The following CLSPN variants were observed in gnomAD, a reference collection of about 807,000 sequenced individuals.
The protein encoded by CLSPN is claspin.
In CLSPN, 85 loss-of-function variants were observed where a neutral mutation model predicts 156.3. The ratio of observed to expected loss-of-function variants is 0.54; its 90% confidence interval spans 0.46 to 0.65. The LOEUF (loss-of-function observed/expected upper bound fraction) is 0.65, where lower values mean the gene tolerates loss of function less well. Ranked by LOEUF, CLSPN falls within the 30% of genes least tolerant of loss-of-function variation. The pLI is 0.00. For missense variants in CLSPN, 1,407 were observed against 1,554.9 expected (o/e 0.90, Z 1.60); for synonymous variants, 534 against 542.4 (o/e 0.98, Z 0.22).
intron 24 of CLSPN, among the ~76,000 whole-genome samples, chr1:35,725,950 G>A (rs563432215): frequency 1.3e-5 from 2 of 151,976 alleles, no homozygotes; most frequent in South Asian, 4.2e-4. Context: ...AGTTCAGAGT[G>A]CCCCCTCCCA....
chr1:35,746,964 G>T lies in CLSPN; in HGVS notation c.2656C>A (p.Gln886Lys), dbSNP rs770176855. 10 of 1,614,010 alleles carry T rather than the reference G, an allele frequency of 6.2e-6. No homozygotes were observed. The South Asian group carries it at 1.1e-4, about 18-fold the overall frequency. ...GFLNVRNHRN[Q>K]YQALKPRLPL... Reference sequence around the variant, plus strand: ...AATCGAGGCTTCAAAGCTTGGTACTGATTCCTGTGGTTTCTAACATTTAAG... The same window carrying T: ...AATCGAGGCTTCAAAGCTTGGTACTTATTCCTGTGGTTTCTAACATTTAAG... The change falls in exon 15 of 25, where the codon CAG (glutamine) becomes AAG (lysine). Residue 886 changes from glutamine to lysine, a missense_variant. By Grantham distance (53) the Gln-to-Lys change is moderately conservative (BLOSUM62 1). Around this residue, in one of 3 missense-constraint regions of CLSPN, gnomAD observed 1,096 missense variants for 1,193.0 expected, o/e 0.92. Transcript: ENST00000318121. This position sits in a 1 kb window ranked among gnomAD's most constrained non-coding sequence, Gnocchi z 4.2.
At position 35,739,231 on chromosome 1, in the gene CLSPN, C is replaced by T. The variant is rs143551686; in HGVS notation, c.3335G>A (p.Arg1112Gln). Residue 1112 changes from arginine to glutamine, a missense_variant, in exon 20 of 25, where the codon CGA becomes CAA. Physicochemically the swap from Arg to Gln is conservative, Grantham distance 43. Around this residue, in one of 3 missense-constraint regions of CLSPN, gnomAD observed 70 missense variants for 121.5 expected, o/e 0.58. Transcript: ENST00000318121. ...HMKTMLDDDKRQLRLYQERYL... is the reference protein window; with the variant it reads ...HMKTMLDDDKQQLRLYQERYL... The stretch of plus-strand genomic sequence containing the variant: ...CCTCTCTTGGTATAAACGTAGCTGT[C>T]GCTTATCATCATCCAACATAGTTTT... The T allele has an allele frequency of 5.6e-6, 9 of 1,614,046 alleles. No individual in the cohort carries two copies. Among genetic ancestry groups the T allele is most frequent in the South Asian group, 1.1e-5 (1 of 91,088 alleles).
At chr1:35,742,810 G>A (rs1044725558) in intron 18 of CLSPN, among the ~76,000 whole-genome samples, 8 of 147,342 alleles carry the variant, frequency 5.4e-5, no homozygotes, top group African/African-American at 7.5e-5. Flanking sequence ...GCAGTGGTGC[G>A]ATCTCGGCTC....
chr1:35,734,681 AAAAAAAAAAGAAAAGAAAAGAAAAG>A lies in CLSPN; in HGVS notation c.*1790_*1814del. The A allele has an allele frequency of 3.3e-6, 3 of 906,784 alleles. No homozygotes were observed. In the South Asian group the frequency reaches 1.5e-4, roughly 46 times the overall value. The allele number at this position is 906,784 out of a possible 1,614,324, so 56.2% of individuals were successfully genotyped here. A position where few individuals can be genotyped will look rare whatever the true frequency, so the allele number is the denominator to read the frequency against. Reference sequence around the variant, plus strand: ...TGACAGAGCCAGCCTATGTCTCAAAAAAAAAAAAAGAAAAGAAAAGAAAAGAAAAAGAAAAAGAAAAGAAAAGAAA... The same window carrying A: ...TGACAGAGCCAGCCTATGTCTCAAAAAAAAAGAAAAAGAAAAGAAAAGAAA... On this transcript the variant is annotated 3_prime_UTR_variant, in exon 25 of 25. Transcript: ENST00000318121.
At chr1:35,725,927 C>T (rs1340746383) in intron 24 of CLSPN, among the ~76,000 whole-genome samples, 1 of 152,156 alleles carries the variant, frequency 6.6e-6, no homozygotes, top group African/African-American at 2.4e-5. Context: ...CTGATTCCCA[C>T]GGCAATCATT....
At position 35,736,928 on chromosome 1, in the gene CLSPN, A is replaced by G. The variant is rs757352025; in HGVS notation, c.3895T>C (p.Ser1299Pro). The G allele has an allele frequency of 6.2e-7, 1 of 1,614,022 alleles. No homozygotes were observed. Among genetic ancestry groups the G allele is most frequent in the Non-Finnish European group, 8.5e-7 (1 of 1,180,024 alleles). The change falls in exon 24 of 25, where the codon TCG becomes CCG. Residue 1299 changes from serine to proline, a missense_variant. Transcript: ENST00000318121. ...AAATTCCATACCTGAGACTTAGACGATTCCTTTGCCGCCTCAGCCTTGACA... is the reference window on the plus strand; with the variant it reads ...AAATTCCATACCTGAGACTTAGACGGTTCCTTTGCCGCCTCAGCCTTGACA... ...SPVKAEAAKESSKSQVKKRGP... is the reference protein window; with the variant it reads ...SPVKAEAAKEPSKSQVKKRGP...
At chr1:35,748,293 C>G in intron 13 of CLSPN, 112 bp downstream of exon 13, 1 of 1,061,852 alleles carries the variant, frequency 9.4e-7, no homozygotes, top group Admixed American at 2.0e-5. Flanking sequence ...TTAAACTGAA[C>G]ACACATAAGC....
At chr1:35,769,186 T>G (rs1483113068) in intron 1 of CLSPN, among the ~76,000 whole-genome samples, 1 of 152,248 alleles carries the variant, frequency 6.6e-6, no homozygotes, top group Admixed American at 6.5e-5. Context: ...TTGAGGGTTT[T>G]GGCGCCCCTT....
At chr1:35,747,416 C>T (rs1641929907) in intron 14 of CLSPN, among the ~76,000 whole-genome samples, 1 of 152,136 alleles carries the variant, frequency 6.6e-6, no homozygotes, top group South Asian at 2.1e-4. Flanking sequence ...AAAGCTGAAT[C>T]TCAAACCAGA....
At chr1:35,761,848 C>T in intron 6 of CLSPN, 150 bp downstream of exon 6, 1 of 614,494 alleles carries the variant, frequency 1.6e-6, no homozygotes, top group Non-Finnish European at 2.9e-6. Flanking sequence ...GGCTTTAGAA[C>T]AATGGCCTTT....
intron 18 of CLSPN, among the ~76,000 whole-genome samples, chr1:35,741,898 C>T (rs778700756): frequency 1.6e-5 from 2 of 128,728 alleles, no homozygotes; most frequent in Admixed American, 9.4e-5. Context: ...GCTTTGAACC[C>T]GGGAGGCGGA....
In CLSPN at chr1:35,760,406, G is replaced by A. The variant is rs1415013761; in HGVS notation, c.1515C>T (p.Ser505=). ...DRLKQLGVDV[S]IKPRLGADED... is the part of the protein sequence containing the mutation. ...CATCAGCACCTAGCCGTGGTTTAAT[G>A]GAAACATCTACTCCCAGTTGCTTAA... The change falls in exon 8 of 25, where the codon TCC becomes TCT. Residue 505 remains serine (S), a synonymous_variant. Coordinates refer to ENST00000318121, the MANE Select transcript of CLSPN (RefSeq NM_022111.4). The A allele has an allele frequency of 8.7e-6, 14 of 1,614,196 alleles. No individual in the cohort carries two copies. Among genetic ancestry groups the A allele is most frequent in the Non-Finnish European group, 1.2e-5 (14 of 1,180,026 alleles).
At chr1:35,769,264 C>T (rs1296168098) in intron 1 of CLSPN, among the ~76,000 whole-genome samples, 2 of 152,200 alleles carry the variant, frequency 1.3e-5, no homozygotes, top group African/African-American at 4.8e-5. Flanking sequence ...GCTCTGGAAA[C>T]ATCTGTTTTC....
At chr1:35,753,606 A>C in intron 9 of CLSPN, 139 bp downstream of exon 9, 1 of 752,296 alleles carries the variant, frequency 1.3e-6, no homozygotes, top group Non-Finnish European at 2.2e-6. Context: ...CTACACGTGA[A>C]TCATGCCAGA....
rs766550270 is a variant in CLSPN, at chr1:35,732,217, T to C, written c.*4279A>G. The stretch of plus-strand genomic sequence containing the variant: ...TAAGGGTAGAAGATACAATACCATC[T>C]CAAGGATGACATAATCAAATAGTAT... On this transcript the variant is annotated 3_prime_UTR_variant, in exon 25 of 25. Transcript: ENST00000318121. 1.2e-5 allele frequency: 12 copies of C among 985,338 alleles called. No homozygotes were observed. Among genetic ancestry groups the C allele is most frequent in the Non-Finnish European group, 1.4e-5 (12 of 829,914 alleles). 61.0% of individuals were successfully genotyped at this position (985,338 alleles called of 1,614,324 possible).
rs1241630377 is a variant in CLSPN, at chr1:35,732,692, C to A, written c.*3804G>T. ...TCCCTCCAAATATGTAATTTCCAAG[C>A]TAGTGAAGCTGAGTCCTCCTCAGAG... On this transcript the variant is annotated 3_prime_UTR_variant, in exon 25 of 25. Coordinates refer to ENST00000318121, the MANE Select transcript of CLSPN (RefSeq NM_022111.4). 2.0e-6 allele frequency: 2 copies of A among 985,276 alleles called. No homozygotes were observed. Among genetic ancestry groups the A allele is most frequent in the Non-Finnish European group, 2.4e-6 (2 of 829,938 alleles). The allele number at this position is 985,276 out of a possible 1,614,324, so 61.0% of individuals were successfully genotyped here. A position where few individuals can be genotyped will look rare whatever the true frequency, so the allele number is the denominator to read the frequency against.
chr1:35,751,482 G>A lies in CLSPN; in HGVS notation c.1796C>T (p.Ala599Val), dbSNP rs778208202. ...GAGTTTCATTGCTTCTTGCAGTTTA[G>A]CTTTTAACACCTGAAGCTTTTCACC... ...KPGEKLQVLK[A>V]KLQEAMKLRR... The change falls in exon 10 of 25, where the codon GCT becomes GTT. Residue 599 changes from alanine to valine, a missense_variant. This residue lies in a region of CLSPN where 1,096 missense variants were observed against 1,193.0 expected (regional missense o/e 0.92). Coordinates refer to ENST00000318121, the MANE Select transcript of CLSPN (RefSeq NM_022111.4). The A allele has an allele frequency of 6.2e-7, 1 of 1,613,754 alleles. No individual in the cohort carries two copies. Among genetic ancestry groups the A allele is most frequent in the Non-Finnish European group, 8.5e-7 (1 of 1,179,906 alleles).
At chr1:35,744,380 C>G (rs1571201055) in intron 16 of CLSPN, among the ~76,000 whole-genome samples, 1 of 152,272 alleles carries the variant, frequency 6.6e-6, no homozygotes, top group East Asian at 1.9e-4. Context: ...TGGCTCAATG[C>G]AGCATTGACC....
Position 35,748,001 on chromosome 1 carries a change from C to G in CLSPN, c.2533G>C (p.Ala845Pro). ...AAAAGTGTCTTAGGCTCTGGGGAGG[C>G]GTTATACAGATCCTGGGAATCCTCT... is the stretch of plus-strand genomic sequence containing the variant. ...PIEDSQDLYN[A>P]SPEPKTLFLG... Residue 845 changes from alanine (A) to proline (P), a missense_variant, in exon 14 of 25, where the codon GCC (alanine) becomes CCC (proline). Transcript: ENST00000318121. 12 of 1,614,040 alleles carry G rather than the reference C, an allele frequency of 7.4e-6. No homozygotes were observed. The highest frequency in any genetic ancestry group is 1.3e-5 in the African/African-American group (1 of 75,026).
Sources: allele counts gnomAD v4.1 joint callset (sites outside exome capture counted in the v4.1 genomes callset), GRCh38; gene constraint gnomAD v4.1.1; regional missense constraint gnomAD v4.1.1; non-coding constraint Gnocchi (gnomAD v3.1); transcripts MANE v1.5; gene names NCBI Gene and HGNC (gene_info 2026-07-23, HGNC 2026-07-21).